Variants in NUBPL observed in about 807,000 individuals in gnomAD.
The protein encoded by NUBPL is iron-sulfur cluster transfer protein NUBPL.
Under a neutral mutation model 45.7 loss-of-function variants are expected in NUBPL, and 31 were observed. The observed-to-expected ratio is 0.68, with a 90% CI of 0.51 to 0.92. The LOEUF (loss-of-function observed/expected upper bound fraction) is 0.92. Among genes scored for constraint, NUBPL ranks in the 40% least tolerant of loss-of-function variants. NUBPL has a pLI of 0.00. For synonymous variants in NUBPL, 144 were observed against 140.9 expected (o/e 1.02, Z -0.15); for missense variants, 401 against 398.7 (o/e 1.01, Z -0.05).
intron 4 of NUBPL, among the ~76,000 whole-genome samples, chr14:31,604,532 G>C (rs1179924761): frequency 1.3e-5 from 2 of 152,158 alleles, no homozygotes; most frequent in East Asian, 1.9e-4. Flanking sequence ...GTGTTCCTCT[G>C]TTCTGGGACT....
chr14:31,758,405 G>A (rs1386976233), intron 6 of NUBPL, among the ~76,000 whole-genome samples: 2 of 152,164 alleles, frequency 1.3e-5, no homozygotes, highest in Non-Finnish European at 2.9e-5. Context: ...AGGCTCATGT[G>A]TGGGAAAATT....
At chr14:31,648,329 C>T (rs776594900) in intron 4 of NUBPL, among the ~76,000 whole-genome samples, 3 of 152,138 alleles carry the variant, frequency 2.0e-5, no homozygotes, top group Non-Finnish European at 2.9e-5. Context: ...CTGGAAAAAT[C>T]CTAGTACCAT....
intron 6 of NUBPL, among the ~76,000 whole-genome samples, chr14:31,683,951 T>A (rs749700756): frequency 2.8e-5 from 3 of 107,048 alleles, no homozygotes; most frequent in Non-Finnish European, 4.5e-5. Context: ...AGTAGTTTCT[T>A]TAGTTGTTCT....
In NUBPL at chr14:31,808,248, T is replaced by C. The variant is rs1046806600; in HGVS notation, c.608-18381T>C. The stretch of plus-strand genomic sequence containing the variant: ...ATTTTCACGATATTGATTCTTCCTA[T>C]CCATGAGCATGGAATGTTCTTCCAT... On this transcript the variant is annotated intron_variant, in intron 7 of 10. Coordinates refer to ENST00000281081, the MANE Select transcript of NUBPL (RefSeq NM_025152.3). Among the ~76,000 whole-genome samples the C allele has an allele frequency of 4.2e-4, 64 of 152,282 alleles. No homozygotes were observed. In the East Asian group the frequency reaches 8.1e-3, roughly 19 times the overall value.
chr14:31,601,974 G>C (rs1361366284), intron 4 of NUBPL, among the ~76,000 whole-genome samples: 1 of 152,184 alleles, frequency 6.6e-6, no homozygotes. Context: ...CAATAGCAAA[G>C]ACTTGGAACC....
chr14:31,666,262 TA>T (rs1486812998), intron 4 of NUBPL, among the ~76,000 whole-genome samples: 5 of 67,610 alleles, frequency 7.4e-5, no homozygotes, highest in African/African-American at 5.9e-4. Flanking sequence ...TATATATATA[TA>T]ATTTTATTTT....
intron 4 of NUBPL, among the ~76,000 whole-genome samples, chr14:31,657,052 G>T (rs944565486): frequency 6.6e-6 from 1 of 152,160 alleles, no homozygotes; most frequent in Admixed American, 6.5e-5. Context: ...TTTTTTAGCG[G>T]TACAGCTATT....
chr14:31,772,905 A>G (rs1281788467), intron 6 of NUBPL, among the ~76,000 whole-genome samples: 2 of 152,204 alleles, frequency 1.3e-5, no homozygotes, highest in East Asian at 3.8e-4. Context: ...AGACATTGTA[A>G]AAAGGATTAG....
intron 3 of NUBPL, among the ~76,000 whole-genome samples, chr14:31,590,436 G>A (rs2034112061): frequency 6.6e-6 from 1 of 152,080 alleles, no homozygotes; most frequent in Admixed American, 6.5e-5. Context: ...AGAGAGCAGA[G>A]CATATGGAAC....
At chr14:31,644,298 C>T (rs1478688604) in intron 4 of NUBPL, among the ~76,000 whole-genome samples, 1 of 151,976 alleles carries the variant, frequency 6.6e-6, no homozygotes, top group Non-Finnish European at 1.5e-5. Context: ...TTGCTATAGA[C>T]TTCCATCTTC....
chr14:31,849,965 T>G, intron 9 of NUBPL, 154 bp from the exon 10 acceptor site: 1 of 665,488 alleles, frequency 1.5e-6, no homozygotes, highest in South Asian at 1.7e-5. Flanking sequence ...AATTCCCATT[T>G]GAAATTTCTT....
intron 6 of NUBPL, among the ~76,000 whole-genome samples, chr14:31,758,086 A>G (rs927319785): frequency 2.0e-5 from 3 of 152,090 alleles, no homozygotes; most frequent in Non-Finnish European, 4.4e-5. Flanking sequence ...TTTTCTTCAA[A>G]ATGCTCATCA....
intron 7 of NUBPL, among the ~76,000 whole-genome samples, chr14:31,814,463 T>C (rs2039875924): frequency 6.6e-6 from 1 of 152,090 alleles, no homozygotes; most frequent in African/African-American, 2.4e-5. Flanking sequence ...ATTGCAAAAA[T>C]TTTCTCCCAT....
chr14:31,763,790 T>C (rs756435994), intron 6 of NUBPL, among the ~76,000 whole-genome samples: 9 of 152,162 alleles, frequency 5.9e-5, no homozygotes, highest in Non-Finnish European at 8.8e-5. Context: ...TTTGCAAAAG[T>C]GTGCATTCGT....
chr14:31,764,580 A>G (rs1000309848), intron 6 of NUBPL, among the ~76,000 whole-genome samples: 2 of 152,328 alleles, frequency 1.3e-5, no homozygotes, highest in South Asian at 2.1e-4. Flanking sequence ...GCAGATACCT[A>G]TTTAGGCAAG....
intron 4 of NUBPL, among the ~76,000 whole-genome samples, chr14:31,622,411 A>T (rs2035088051): frequency 6.6e-6 from 1 of 152,128 alleles, no homozygotes; most frequent in Non-Finnish European, 1.5e-5. Context: ...AAATTTGCGC[A>T]AGTAATGAGG....
chr14:31,816,759 C>G (rs2039926259), intron 7 of NUBPL, among the ~76,000 whole-genome samples: 1 of 152,044 alleles, frequency 6.6e-6, no homozygotes, highest in Admixed American at 6.5e-5. Context: ...TAAAGAACTT[C>G]TTTATTTCTG....
At chr14:31,583,354 G>A (rs981100480) in intron 3 of NUBPL, among the ~76,000 whole-genome samples, 1 of 152,136 alleles carries the variant, frequency 6.6e-6, no homozygotes, top group African/African-American at 2.4e-5. Flanking sequence ...TGATTTAGAG[G>A]ACCCAAGGCA....
At chr14:31,599,860 ATT>A (rs2034381204) in intron 4 of NUBPL, among the ~76,000 whole-genome samples, 1 of 151,054 alleles carries the variant, frequency 6.6e-6, no homozygotes, top group Non-Finnish European at 1.5e-5. Context: ...ATCATTGAGC[ATT>A]TTCTTACTGC....
Sources: gnomAD v4.1 joint callset for allele counts (sites outside exome capture counted in the v4.1 genomes callset) on GRCh38, gnomAD v4.1.1 for gene constraint, MANE v1.5 for transcripts, NCBI Gene and HGNC (gene_info 2026-07-23, HGNC 2026-07-21) for gene names.